GPC6: variants seen among roughly 807,000 people sequenced by gnomAD.
GPC6 encodes the protein glypican-6.
GPC6 carries 14 observed loss-of-function variants against 55.2 expected under a neutral mutation model. The ratio of observed to expected loss-of-function variants is 0.25; its 90% CI spans 0.17 to 0.40. The LOEUF is 0.40. GPC6 is among the 10% of genes least tolerant of loss of function. The probability of loss-of-function intolerance (pLI) is 1.00; values close to 1 mark genes in which losing one functional copy is unlikely to be tolerated. For missense variants in GPC6, 641 were observed against 708.5 expected (o/e 0.90, Z 1.08); for synonymous variants, 278 against 259.6 (o/e 1.07, Z -0.68).
chr13:93,334,666 C>T (rs2139141431), intron 1 of GPC6, among the ~76,000 whole-genome samples: 1 of 151,378 alleles, frequency 6.6e-6, no homozygotes, highest in East Asian at 1.9e-4. Flanking sequence ...AGGGTTTCAC[C>T]ATCTTGGCTG....
intron 2 of GPC6, among the ~76,000 whole-genome samples, chr13:93,726,440 G>A (rs954117458): frequency 1.1e-4 from 17 of 151,992 alleles, no homozygotes; most frequent in Admixed American, 1.1e-3. Context: ...AAACAGTTTT[G>A]AATGTGTTGA....
chr13:93,222,319 A>G (rs1875647840), upstream of GPC6, among the ~76,000 whole-genome samples: 1 of 152,216 alleles, frequency 6.6e-6, no homozygotes, highest in African/African-American at 2.4e-5. Context: ...CAGTAAGATC[A>G]TATTGGATTT....
rs150041812 is a variant in GPC6, at chr13:93,678,156, TC to T, written c.319+132737del. ...TATCTATATTGTTCACCATTTTTTT[TC>T]CTGTTTTACAAGAAAAGATACCATA... On this transcript the variant is annotated intron_variant, in intron 2 of 8. Coordinates refer to ENST00000377047, the MANE Select transcript of GPC6 (RefSeq NM_005708.5). Among the ~76,000 whole-genome samples, 1,211 of 152,250 alleles carry T rather than the reference TC, an allele frequency of 8.0e-3. 23 individuals carry two copies. The highest frequency in any genetic ancestry group is 0.028 in the African/African-American group (1,158 of 41,552).
intron 1 of GPC6, among the ~76,000 whole-genome samples, chr13:93,285,427 C>T (rs1490596352): frequency 1.3e-5 from 2 of 152,090 alleles, no homozygotes; most frequent in Admixed American, 6.5e-5. Context: ...GAAGTAATTT[C>T]GTAAGCCAAG....
intron 2 of GPC6, among the ~76,000 whole-genome samples, chr13:93,602,415 T>A (rs185100297): frequency 1.6e-3 from 237 of 152,310 alleles, no homozygotes; most frequent in African/African-American, 5.4e-3. Flanking sequence ...CATTGCCATT[T>A]AGAATGGGTG....
At chr13:94,130,840 A>T (rs1455825945) in intron 4 of GPC6, among the ~76,000 whole-genome samples, 1 of 152,184 alleles carries the variant, frequency 6.6e-6, no homozygotes, top group Non-Finnish European at 1.5e-5. Context: ...CATAGGAAGA[A>T]GTAAGTATAA....
At chr13:94,032,107 A>C (rs867901342) in intron 4 of GPC6, among the ~76,000 whole-genome samples, 1 of 152,304 alleles carries the variant, frequency 6.6e-6, no homozygotes, top group Admixed American at 6.5e-5. Flanking sequence ...GAATGCTTCT[A>C]ACATCAAGTA....
intron 3 of GPC6, among the ~76,000 whole-genome samples, chr13:93,963,759 ATTGT>A (rs1199778352): frequency 6.6e-6 from 1 of 152,276 alleles, no homozygotes; most frequent in Middle Eastern, 3.4e-3. Flanking sequence ...TGAAAATAAG[ATTGT>A]TTGGTGTTCT....
chr13:93,563,296 G>T (rs1262506587), intron 2 of GPC6, among the ~76,000 whole-genome samples: 1 of 152,146 alleles, frequency 6.6e-6, no homozygotes, highest in Non-Finnish European at 1.5e-5. Context: ...GGGAGGGATG[G>T]GGAGTGGGAA....
At chr13:94,299,517 T>C (rs1191377456) in intron 5 of GPC6, among the ~76,000 whole-genome samples, 3 of 152,252 alleles carry the variant, frequency 2.0e-5, no homozygotes, top group Non-Finnish European at 4.4e-5. Context: ...AATTAAGACA[T>C]CTGGGTGAAG....
rs548103926 is a variant in GPC6 at position 93,284,649 on chromosome 13, A to T, written c.160+57033A>T. On this transcript the variant is annotated intron_variant, in intron 1 of 8. Transcript: ENST00000377047. ...AGACATGCCCAAGAATCATATAGTA[A>T]ATATGTACATCTCAAAACTGATTTA... Among the ~76,000 whole-genome samples the T allele has an allele frequency of 5.3e-5, 8 of 152,230 alleles. No homozygotes were observed. The South Asian group carries it at 1.7e-3, about 32-fold the overall frequency.
At chr13:94,338,026 C>G (rs1877811639) in intron 6 of GPC6, among the ~76,000 whole-genome samples, 3 of 152,228 alleles carry the variant, frequency 2.0e-5, no homozygotes, top group African/African-American at 7.2e-5. Flanking sequence ...CTAGTGATTG[C>G]TGCTGCATCC....
chr13:94,263,759 A>G lies in GPC6; in HGVS notation c.878-22590A>G, dbSNP rs541282175. On this transcript the variant is annotated intron_variant, in intron 4 of 8. Transcript: ENST00000377047. The stretch of plus-strand genomic sequence containing the variant: ...TTTACTTGTGTGAAGTCAGTGTTCT[A>G]GGAAGTATTGAACCTGTCTAAGAAA... 2.6e-5 allele frequency among the ~76,000 whole-genome samples: 4 copies of G among 152,292 alleles called. No individual in the cohort carries two copies. In the South Asian group the frequency reaches 6.2e-4, roughly 24 times the overall value.
intron 3 of GPC6, among the ~76,000 whole-genome samples, chr13:93,848,800 G>C (rs866477681): frequency 6.6e-6 from 1 of 151,772 alleles, no homozygotes; most frequent in Non-Finnish European, 1.5e-5. Flanking sequence ...ACTGCCCCCC[G>C]CAACCAATGT....
At chr13:93,931,535 G>A (rs376242627) in intron 3 of GPC6, among the ~76,000 whole-genome samples, 6 of 151,932 alleles carry the variant, frequency 3.9e-5, no homozygotes, top group Non-Finnish European at 7.4e-5. Context: ...AGGCCAAGGC[G>A]GGTGTATCAC....
At chr13:94,097,587 G>A (rs577112922) in intron 4 of GPC6, among the ~76,000 whole-genome samples, 1 of 151,656 alleles carries the variant, frequency 6.6e-6, no homozygotes, top group South Asian at 2.1e-4. Flanking sequence ...AAAAGTTCTG[G>A]AGATCTGTCT....
upstream of GPC6, among the ~76,000 whole-genome samples, chr13:93,223,066 C>T (rs1444253826): frequency 8.3e-6 from 1 of 121,144 alleles, no homozygotes; most frequent in African/African-American, 3.1e-5. Flanking sequence ...ATCACATTGG[C>T]TAGAAATGGG....
At chr13:94,177,583 C>G (rs371927402) in intron 4 of GPC6, among the ~76,000 whole-genome samples, 2 of 151,998 alleles carry the variant, frequency 1.3e-5, no homozygotes, top group African/African-American at 4.8e-5. Context: ...ATCAAATTAG[C>G]AAATAGTTTT....
intron 4 of GPC6, among the ~76,000 whole-genome samples, chr13:94,262,647 T>A (rs1891687235): frequency 7.3e-6 from 1 of 137,640 alleles, no homozygotes; most frequent in African/African-American, 2.8e-5. Context: ...CACTCCAGCC[T>A]GGGCGACAGA....
Sources: gnomAD v4.1 joint callset for allele counts (sites outside exome capture counted in the v4.1 genomes callset) on GRCh38, gnomAD v4.1.1 for gene constraint, MANE v1.5 for transcripts, NCBI Gene and HGNC (gene_info 2026-07-23, HGNC 2026-07-21) for gene names.